Variants in SGCD observed in about 807,000 individuals in gnomAD.
SGCD encodes delta-sarcoglycan.
Under a neutral mutation model 36.6 loss-of-function variants are expected in SGCD, and 18 were observed. That is an observed-to-expected ratio of 0.49 (90% CI 0.34 to 0.73). The LOEUF is 0.73. Among genes scored for constraint, SGCD ranks in the 30% least tolerant of loss-of-function variants. The pLI, the probability that SGCD is intolerant of heterozygous loss-of-function variation, is 0.01. For missense variants in SGCD, 387 were observed against 346.7 expected (o/e 1.12, Z -0.92); for synonymous variants, 133 against 130.6 (o/e 1.02, Z -0.12).
chr5:156,421,344 T>C (rs566035202), intron 3 of SGCD, among the ~76,000 whole-genome samples: 1 of 152,244 alleles, frequency 6.6e-6, no homozygotes, highest in African/African-American at 2.4e-5. Context: ...AGTGACACTT[T>C]GACAGCGTGG....
chr5:156,090,723 C>T (rs1225517055), intron 1 of SGCD, among the ~76,000 whole-genome samples: 1 of 152,122 alleles, frequency 6.6e-6, no homozygotes, highest in Non-Finnish European at 1.5e-5. Flanking sequence ...GTATTTCATC[C>T]CTTATCTCAA....
chr5:156,126,244 C>A (rs989881147), intron 3 of SGCD, among the ~76,000 whole-genome samples: 1 of 152,006 alleles, frequency 6.6e-6, no homozygotes, highest in Non-Finnish European at 1.5e-5. Flanking sequence ...TCCTCAAATA[C>A]GTAGAGAAGC....
intron 1 of SGCD, among the ~76,000 whole-genome samples, chr5:155,876,833 C>T (rs911826823): frequency 6.6e-6 from 1 of 152,114 alleles, no homozygotes; most frequent in South Asian, 2.1e-4. Flanking sequence ...TTATGACCTT[C>T]ACTGTGCTTC....
At chr5:155,807,737 T>G in the SGCD span, among the ~76,000 whole-genome samples, 1 of 152,254 alleles carries the variant, frequency 6.6e-6, no homozygotes, top group African/African-American at 2.4e-5. Flanking sequence ...TGTGGGGAAC[T>G]GTTGCATGTG....
chr5:155,906,044 T>A (rs530510853), intron 1 of SGCD, among the ~76,000 whole-genome samples: 1 of 152,266 alleles, frequency 6.6e-6, no homozygotes, highest in East Asian at 1.9e-4. Flanking sequence ...TCCAACAGCA[T>A]GGGCTGTGAG....
At chr5:156,286,680 G>T (rs1766606487) in intron 3 of SGCD, among the ~76,000 whole-genome samples, 1 of 152,254 alleles carries the variant, frequency 6.6e-6, no homozygotes, top group South Asian at 2.1e-4. Context: ...GTTGTGGGTT[G>T]GGGGAGTGGG....
At chr5:156,321,428 T>TAAACAAAC (rs146196490) in intron 3 of SGCD, among the ~76,000 whole-genome samples, 25,335 of 151,674 alleles carry the variant, frequency 0.17, 2,711 homozygotes, top group African/African-American at 0.3. Context: ...TGAAAATAAA[T>TAAACAAAC]AAACAAATAA....
intron 3 of SGCD, among the ~76,000 whole-genome samples, chr5:156,499,015 C>A (rs1311062616): frequency 6.7e-6 from 1 of 149,804 alleles, no homozygotes; most frequent in Non-Finnish European, 1.5e-5. Context: ...GGAATGCAAT[C>A]TGCAACTCTT....
the SGCD span, among the ~76,000 whole-genome samples, chr5:155,732,743 A>C: frequency 1.2e-4 from 18 of 152,190 alleles, no homozygotes; most frequent in African/African-American, 4.1e-4. Flanking sequence ...CTATATTTTT[A>C]GCCCATGCCC....
intron 7 of SGCD, among the ~76,000 whole-genome samples, chr5:156,750,428 C>T (rs1048754610): frequency 3.3e-5 from 5 of 151,990 alleles, no homozygotes; most frequent in Non-Finnish European, 7.4e-5. Flanking sequence ...GCTCATGCCT[C>T]TAATCTCAGC....
chr5:156,543,231 C>T (rs372381846), intron 4 of SGCD, among the ~76,000 whole-genome samples: 1 of 152,120 alleles, frequency 6.6e-6, no homozygotes, highest in African/African-American at 2.4e-5. Flanking sequence ...CAGTATGTGC[C>T]AGTAGTACCC....
At chr5:156,379,652 C>T (rs1450487825) in intron 3 of SGCD, among the ~76,000 whole-genome samples, 1 of 151,302 alleles carries the variant, frequency 6.6e-6, no homozygotes, top group Non-Finnish European at 1.5e-5. Context: ...AATGAGAATA[C>T]ACAGCAGAAG....
intron 3 of SGCD, among the ~76,000 whole-genome samples, chr5:156,464,565 GAAC>G (rs1754642065): frequency 6.6e-6 from 1 of 152,038 alleles, no homozygotes; most frequent in Non-Finnish European, 1.5e-5. Context: ...AACATCTTCA[GAAC>G]AGACATATAC....
At position 156,118,669 on chromosome 5, in the gene SGCD, C is replaced by T. The variant is rs576135019; in HGVS notation, c.-208+718C>T. ...GAAATTTCCTAAAGCCTCATTTTAA[C>T]ATTCAGTGACATTTTTTCCAAAGTT... On this transcript the variant is annotated intron_variant, in intron 2 of 9. Coordinates refer to the SGCD transcript ENST00000517913. Among the ~76,000 whole-genome samples the T allele has an allele frequency of 5.6e-4, 86 of 152,264 alleles. No homozygotes were observed. In the South Asian group the frequency reaches 8.7e-3, roughly 15 times the overall value.
chr5:155,978,983 G>A (rs937404695), intron 1 of SGCD, among the ~76,000 whole-genome samples: 1 of 152,160 alleles, frequency 6.6e-6, no homozygotes, highest in African/African-American at 2.4e-5. Context: ...GACGGTCCTG[G>A]TCCTGATTTC....
At chr5:156,214,285 A>G (rs548848719) in intron 3 of SGCD, among the ~76,000 whole-genome samples, 19 of 152,118 alleles carry the variant, frequency 1.2e-4, no homozygotes, top group Middle Eastern at 3.4e-3. Flanking sequence ...ACCTACCAAA[A>G]TCAGTATCAT....
rs918293209 is a variant in SGCD at position 156,594,273 on chromosome 5, A to G, written c.383-659A>G. ...GGAATCGGGCTTGATTTCCTTGTGC[A>G]GTATTACAGCTCCACATTCAAGAAC... On this transcript the variant is annotated intron_variant, in intron 5 of 8. Transcript: ENST00000337851. 2.0e-5 allele frequency among the ~76,000 whole-genome samples: 3 copies of G among 152,206 alleles called. No individual in the cohort carries two copies. In the East Asian group the frequency reaches 5.8e-4, roughly 29 times the overall value.
At chr5:155,756,762 C>G in the SGCD span, among the ~76,000 whole-genome samples, 2 of 152,168 alleles carry the variant, frequency 1.3e-5, no homozygotes, top group Non-Finnish European at 2.9e-5. Context: ...TTAAACACTT[C>G]CCTGAGAAGC....
chr5:156,342,115 A>G (rs1246287883), intron 2 of SGCD, among the ~76,000 whole-genome samples: 1 of 152,238 alleles, frequency 6.6e-6, no homozygotes, highest in Non-Finnish European at 1.5e-5. Context: ...TTCTACCAGT[A>G]TGTGTATGAA....
Sources: gnomAD v4.1 joint callset for allele counts (sites outside exome capture counted in the v4.1 genomes callset) on GRCh38, gnomAD v4.1.1 for gene constraint, MANE v1.5 for transcripts, NCBI Gene and HGNC (gene_info 2026-07-23, HGNC 2026-07-21) for gene names.